Variants in OVCH1 observed in about 807,000 individuals in gnomAD.
The protein encoded by OVCH1 is ovochymase-1.
Under a neutral mutation model 138.4 loss-of-function variants are expected in OVCH1, and 139 were observed. That is an observed-to-expected ratio of 1.00 (90% confidence interval 0.87 to 1.16). OVCH1 has a LOEUF of 1.16. OVCH1 is among the 50% of genes most tolerant of loss of function. The pLI, the probability that OVCH1 is intolerant of heterozygous loss-of-function variation, is 0.00. For missense variants in OVCH1, 1,367 were observed against 1,357.9 expected, an observed-to-expected ratio of 1.01 and a Z score of -0.11; for synonymous variants, 453 against 467.8, an observed-to-expected ratio of 0.97 and a Z score of 0.41.
chr12:29,432,174 A>C (rs559106480), intron 27 of OVCH1, among the ~76,000 whole-genome samples: 1 of 152,220 alleles, frequency 6.6e-6, no homozygotes, highest in Non-Finnish European at 1.5e-5. Context: ...CAGATCCTAT[A>C]GCATCTTGTA....
exon 1 of OVCH1, chr12:29,497,664 C>T (rs1477808142): frequency 1.2e-6 from 2 of 1,614,014 alleles, no homozygotes; most frequent in East Asian, 2.2e-5. Context: ...CAGCAACAAA[C>T]CAGCACTGGC....
chr12:29,430,574 G>C (rs553145934), intron 27 of OVCH1, among the ~76,000 whole-genome samples: 30 of 152,276 alleles, frequency 2.0e-4, no homozygotes, highest in African/African-American at 7.0e-4. Flanking sequence ...TGTCATGCAG[G>C]TTTTCAGGGA....
chr12:29,496,375 A>G, intron 2 of OVCH1, 97 bp from the exon 3 acceptor site: 2 of 1,215,104 alleles, frequency 1.6e-6, no homozygotes, highest in Non-Finnish European at 2.3e-6. Flanking sequence ...ATCTGACATA[A>G]TATTCTTAAA....
intron 8 of OVCH1, among the ~76,000 whole-genome samples, chr12:29,481,438 T>G (rs1366930128): frequency 6.6e-6 from 1 of 152,168 alleles, no homozygotes; most frequent in African/African-American, 2.4e-5. Context: ...ACTCCTTACT[T>G]TAGTCCCTAT....
chr12:29,421,655 A>G (rs1018520514), intron 3 of OVCH1, among the ~76,000 whole-genome samples: 134 of 152,298 alleles, frequency 8.8e-4, no homozygotes, highest in African/African-American at 3.1e-3. Flanking sequence ...TCAAAATACA[A>G]CATATATATA....
At chr12:29,464,298 G>T (rs2135982180) in intron 18 of OVCH1, 2 of 615,234 alleles carry the variant, frequency 3.3e-6, no homozygotes, top group Non-Finnish European at 5.7e-6. Context: ...TGCTCATCTA[G>T]CCTACTTATA....
At chr12:29,438,106 A>C (rs1276709989) in intron 26 of OVCH1, among the ~76,000 whole-genome samples, 2 of 152,096 alleles carry the variant, frequency 1.3e-5, no homozygotes, top group Non-Finnish European at 2.9e-5. Flanking sequence ...CTACTTTTAT[A>C]TGAGAAAGTC....
intron 8 of OVCH1, among the ~76,000 whole-genome samples, chr12:29,479,805 A>ATT (rs1270859630): frequency 6.7e-6 from 1 of 148,244 alleles, no homozygotes; most frequent in Admixed American, 6.8e-5. Flanking sequence ...GGACATCTTA[A>ATT]TTGGCAACTC....
chr12:29,486,476 T>G lies in OVCH1; in HGVS notation c.893-128A>C, dbSNP rs951905234. ...TACTAAAATCAATGCAGAGGGAATC[T>G]TTTCTCAGAGTCAGTAACCCACTAT... On this transcript the variant is annotated intron_variant, in intron 7 of 27. Transcript: ENST00000318184. The G allele has an allele frequency of 1.2e-4, 87 of 724,838 alleles. 3 individuals are homozygous for G. Among genetic ancestry groups the G allele is most frequent in the Non-Finnish European group, 8.7e-6 (4 of 459,932 alleles). The allele number at this position is 724,838 out of a possible 1,614,324, so 44.9% of individuals were successfully genotyped here. A position where few individuals can be genotyped will look rare whatever the true frequency, so the allele number is the denominator to read the frequency against.
At chr12:29,405,021 C>CAAAAAAAAAAAAAAAAA in the OVCH1 span, among the ~76,000 whole-genome samples, 4 of 80,438 alleles carry the variant, frequency 5.0e-5, no homozygotes, top group African/African-American at 2.1e-4. Flanking sequence ...CACTCCACCT[C>CAAAAAAAAAAAAAAAAA]AAAAAAAAAA....
chr12:29,449,374 AT>A (rs1280419250), intron 22 of OVCH1, among the ~76,000 whole-genome samples: 10 of 148,458 alleles, frequency 6.7e-5, no homozygotes, highest in South Asian at 2.1e-4. Context: ...AATGTTAAGG[AT>A]TTTTTTTTTC....
intron 27 of OVCH1, chr12:29,433,680 G>A: frequency 7.3e-7 from 1 of 1,360,832 alleles, no homozygotes; most frequent in Non-Finnish European, 9.7e-7. Context: ...ATTTGTTGGT[G>A]GTCTGAATAA....
At chr12:29,469,788 C>A (rs1942440995) in intron 16 of OVCH1, among the ~76,000 whole-genome samples, 1 of 151,854 alleles carries the variant, frequency 6.6e-6, no homozygotes, top group Non-Finnish European at 1.5e-5. Context: ...GTGGGAGGAT[C>A]CCTTGAGCCC....
At chr12:29,492,469 C>G (rs987987131) in intron 4 of OVCH1, among the ~76,000 whole-genome samples, 2 of 151,988 alleles carry the variant, frequency 1.3e-5, no homozygotes, top group Non-Finnish European at 2.9e-5. Context: ...ACCTGATTTA[C>G]GTATTAAAAA....
chr12:29,420,484 T>C lies in OVCH1; in HGVS notation c.*71+2643A>G, dbSNP rs1270950186. On this transcript the variant is annotated intron_variant and NMD_transcript_variant, in intron 3 of 4. Transcript: ENST00000539117. ...AAAAGAGCTGGAAGGAAAAAGCAGC[T>C]TTTTTTTTTTTTTTTTTTTTTTTTT... Among the ~76,000 whole-genome samples, 3 of 2,440 alleles carry C rather than the reference T, an allele frequency of 1.2e-3. 1 individual carries two copies. The East Asian group carries it at 0.041, about 33-fold the overall frequency. The allele number at this position is 2,440 out of a possible 152,430, so 1.6% of individuals were successfully genotyped here. A position where few individuals can be genotyped will look rare whatever the true frequency, so the allele number is the denominator to read the frequency against.
At chr12:29,443,844 A>G (rs3816113) in intron 24 of OVCH1, among the ~76,000 whole-genome samples, 5,603 of 152,168 alleles carry the variant, frequency 0.037, 312 homozygotes, top group African/African-American at 0.12. Flanking sequence ...AGTATCTACT[A>G]TGTACCCAAA....
chr12:29,489,595 G>T, intron 6 of OVCH1, 25 bp downstream of exon 6: 1 of 1,586,810 alleles, frequency 6.3e-7, no homozygotes, highest in Non-Finnish European at 8.6e-7. Flanking sequence ...TTACTGAACA[G>T]CTAGGCTGGT....
Position 29,473,015 on chromosome 12 carries a change from T to G in OVCH1, c.1675+14A>C. On this transcript the variant is annotated intron_variant, in intron 15 of 27. Coordinates refer to ENST00000318184, the Ensembl canonical transcript of OVCH1. Reference sequence around the variant, plus strand: ...CAAGATTAAACAGATAGTAATAACATGTCACCAACTCACCATGCAGAATAG... The same window carrying G: ...CAAGATTAAACAGATAGTAATAACAGGTCACCAACTCACCATGCAGAATAG... 1 of 1,594,866 alleles carries G rather than the reference T, an allele frequency of 6.3e-7. No individual in the cohort carries two copies. Among genetic ancestry groups the G allele is most frequent in the Non-Finnish European group, 8.6e-7 (1 of 1,165,336 alleles).
At chr12:29,456,102 C>T (rs1941943536) in intron 19 of OVCH1, among the ~76,000 whole-genome samples, 1 of 152,124 alleles carries the variant, frequency 6.6e-6, no homozygotes, top group African/African-American at 2.4e-5. Flanking sequence ...ATTTCAAAGA[C>T]TTTAAGGGCC....
Sources: gnomAD v4.1 joint callset for allele counts (sites outside exome capture counted in the v4.1 genomes callset) on GRCh38, gnomAD v4.1.1 for gene constraint, MANE v1.5 for transcripts, NCBI Gene and HGNC (gene_info 2026-07-23, HGNC 2026-07-21) for gene names.